The following TENM4 variants were observed in gnomAD, a reference collection of about 807,000 sequenced individuals.
TENM4 encodes teneurin transmembrane protein 4, also known as teneurin-4.
In TENM4, 82 loss-of-function variants were observed where a neutral mutation model predicts 243.3. That is an observed-to-expected ratio of 0.34 (90% confidence interval 0.28 to 0.40). TENM4 has a LOEUF of 0.40. Ranked by LOEUF, TENM4 falls within the 10% of genes least tolerant of loss-of-function variation. The pLI is 1.00. For synonymous variants in TENM4, 1,412 were observed against 1,456.3 expected (o/e 0.97, Z 0.69); for missense variants, 3,138 against 3,673.3 (o/e 0.85, Z 3.77).
chr11:78,967,650 G>T (rs1240802187), intron 6 of TENM4, among the ~76,000 whole-genome samples: 3 of 152,210 alleles, frequency 2.0e-5, no homozygotes, highest in African/African-American at 7.2e-5. Context: ...GGCAAATAAG[G>T]ATGCCTGATT....
At chr11:79,255,888 T>G (rs76298396) in intron 2 of TENM4, among the ~76,000 whole-genome samples, 6,240 of 152,298 alleles carry the variant, frequency 0.041, 440 homozygotes, top group African/African-American at 0.14. Context: ...GAGAAAGCAC[T>G]GTGTGTCAGA....
At chr11:79,394,303 G>A (rs1223210222) in intron 1 of TENM4, among the ~76,000 whole-genome samples, 1 of 152,182 alleles carries the variant, frequency 6.6e-6, no homozygotes, top group East Asian at 1.9e-4. Context: ...TGAGGAGGGT[G>A]GCATGCCTAC....
intron 15 of TENM4, among the ~76,000 whole-genome samples, chr11:78,801,699 G>C (rs1000176797): frequency 1.3e-5 from 2 of 152,072 alleles, no homozygotes; most frequent in African/African-American, 4.8e-5. Flanking sequence ...TTCCCTCCTA[G>C]GAGGCAGCAG....
At chr11:78,766,761 G>C (rs755489188) in intron 18 of TENM4, among the ~76,000 whole-genome samples, 27 of 149,636 alleles carry the variant, frequency 1.8e-4, no homozygotes, top group Non-Finnish European at 3.7e-4. Context: ...GGAGCGCAGA[G>C]GCACAATCTC....
At chr11:79,172,829 C>T (rs961151510) in intron 3 of TENM4, among the ~76,000 whole-genome samples, 5 of 151,976 alleles carry the variant, frequency 3.3e-5, no homozygotes, top group Non-Finnish European at 5.9e-5. Flanking sequence ...TTAGTAGAGA[C>T]GGAGTTTCTC....
At chr11:78,824,844 A>AT (rs1181677334) in intron 12 of TENM4, among the ~76,000 whole-genome samples, 4 of 152,212 alleles carry the variant, frequency 2.6e-5, no homozygotes, top group Non-Finnish European at 4.4e-5. Context: ...CATCTAAACT[A>AT]TATCACATGC....
In TENM4 at chr11:79,440,929, C is replaced by CT; in HGVS notation, c.-742dup. The CT allele has an allele frequency of 6.5e-6, 1 of 152,878 alleles. No individual in the cohort carries two copies. Among genetic ancestry groups the CT allele is most frequent in the Middle Eastern group, 3.3e-3 (1 of 302 alleles). The allele number at this position is 152,878 out of a possible 1,614,324, so 9.5% of individuals were successfully genotyped here. ...TTCCCCTCCCTGCCTGCTCGCCTGC[C>CT]TGCCTCCGTCCCCCACCCTCGCTCT... On this transcript the variant is annotated 5_prime_UTR_variant, in exon 1 of 34. Transcript: ENST00000278550. The surrounding 1 kb of genome is among the most constrained non-coding windows in gnomAD (Gnocchi z 4.7).
intron 6 of TENM4, among the ~76,000 whole-genome samples, chr11:79,024,212 C>T (rs1859013556): frequency 6.6e-6 from 1 of 152,174 alleles, no homozygotes; most frequent in Admixed American, 6.5e-5. Flanking sequence ...TTAGAATGTC[C>T]ACCTGCCTGT....
chr11:78,863,211 G>A (rs780995939), intron 9 of TENM4, 79 bp from the exon 10 acceptor site: 24 of 1,402,684 alleles, frequency 1.7e-5, no homozygotes, highest in Admixed American at 2.4e-5. Context: ...GGAAAGGTGG[G>A]CAGGGTGGGG....
At chr11:79,395,656 C>T (rs1383746880) in intron 1 of TENM4, among the ~76,000 whole-genome samples, 1 of 152,182 alleles carries the variant, frequency 6.6e-6, no homozygotes, top group African/African-American at 2.4e-5. Context: ...GGTCCTACCT[C>T]TTGGATTTTA....
intron 28 of TENM4, among the ~76,000 whole-genome samples, chr11:78,699,487 G>A (rs1859052880): frequency 6.6e-6 from 1 of 152,298 alleles, no homozygotes; most frequent in Middle Eastern, 3.4e-3. Flanking sequence ...CTGGCACATA[G>A]TAGGATCTCA....
In TENM4 at chr11:79,129,893, C is replaced by G. The variant is rs575724237; in HGVS notation, c.-66+18817G>C. Among the ~76,000 whole-genome samples the G allele has an allele frequency of 1.7e-4, 26 of 152,288 alleles. 1 individual carries two copies. The highest frequency in any genetic ancestry group is 7.4e-5 in the Non-Finnish European group (5 of 68,022). ...TCATCATACTACCACAGCTGAGGCT[C>G]TCTGGAAAGTGTCACCTCCTGGCAG... is the stretch of plus-strand genomic sequence containing the variant. On this transcript the variant is annotated intron_variant, in intron 4 of 33. Coordinates refer to ENST00000278550, the MANE Select transcript of TENM4 (RefSeq NM_001098816.3).
In TENM4 at chr11:79,307,869, G is replaced by A. The variant is rs183828833; in HGVS notation, c.-320-10326C>T. Among the ~76,000 whole-genome samples the A allele has an allele frequency of 1.8e-4, 27 of 152,294 alleles. 2 individuals are homozygous for A. The highest frequency in any genetic ancestry group is 8.5e-4 in the Admixed American group (13 of 15,296). ...GAGACCTAGAGATCTGAGCAGCACC[G>A]TGCTCTCCCACATGGGAGACCTCAA... On this transcript the variant is annotated intron_variant, in intron 1 of 33. Transcript: ENST00000278550.
intron 12 of TENM4, 147 bp from the exon 13 acceptor site, chr11:78,814,542 T>A (rs1465783303): frequency 6.0e-6 from 4 of 670,742 alleles, no homozygotes; most frequent in Non-Finnish European, 1.0e-5. Context: ...GTTAAAATTC[T>A]ATGTTATTTT....
At chr11:79,189,534 CT>C (rs1284897057) in intron 3 of TENM4, among the ~76,000 whole-genome samples, 1 of 152,092 alleles carries the variant, frequency 6.6e-6, no homozygotes, top group African/African-American at 2.4e-5. Context: ...TCAAACATAC[CT>C]TTTTTAAACA....
chr11:79,129,832 C>T (rs924000294), intron 4 of TENM4, among the ~76,000 whole-genome samples: 3 of 152,124 alleles, frequency 2.0e-5, no homozygotes, highest in South Asian at 2.1e-4. Context: ...AGCATTTAAT[C>T]GTGGGAGTTC....
chr11:79,149,215 A>T (rs1023258684), intron 3 of TENM4, among the ~76,000 whole-genome samples: 1 of 152,126 alleles, frequency 6.6e-6, no homozygotes, highest in Non-Finnish European at 1.5e-5. Context: ...TGGAGTAAAG[A>T]GAGTGAGGGA....
chr11:79,338,262 A>G (rs759426591), intron 1 of TENM4, among the ~76,000 whole-genome samples: 11 of 152,248 alleles, frequency 7.2e-5, no homozygotes, highest in Non-Finnish European at 1.2e-4. Context: ...CCTATAGACA[A>G]CAAGAAGAGC....
chr11:78,732,898 C>T (rs1407980958), intron 20 of TENM4, among the ~76,000 whole-genome samples: 1 of 152,158 alleles, frequency 6.6e-6, no homozygotes, highest in Non-Finnish European at 1.5e-5. Flanking sequence ...CATGTCAGAG[C>T]TGAAAGCCCA....
Sources: gnomAD v4.1 joint callset for allele counts (sites outside exome capture counted in the v4.1 genomes callset) on GRCh38, gnomAD v4.1.1 for gene constraint, Gnocchi (gnomAD v3.1) non-coding constraint, MANE v1.5 for transcripts, NCBI Gene and HGNC (gene_info 2026-07-23, HGNC 2026-07-21) for gene names.